WDR87: variants seen among roughly 807,000 people sequenced by gnomAD.
The protein encoded by WDR87 is WD repeat-containing protein 87.
A neutral mutation model predicts 83.3 loss-of-function variants in WDR87; 56 were observed. The observed-to-expected ratio is 0.67, with a 90% confidence interval of 0.54 to 0.84. The LOEUF is 0.84. WDR87 is among the 40% of genes least tolerant of loss of function. The probability of loss-of-function intolerance (pLI) is 0.00; values close to 1 mark genes in which losing one functional copy is unlikely to be tolerated. For missense variants in WDR87, 2,939 were observed against 3,431.9 expected, an observed-to-expected ratio of 0.86 and a Z score of 3.59; for synonymous variants, 1,173 against 1,250.6, an observed-to-expected ratio of 0.94 and a Z score of 1.31.
Position 37,894,264 on chromosome 19 carries a change from CCA to C in WDR87, c.1437_1438del (p.Gly480AlafsTer52). ...CACTCTTATCACACCACTCTGGTGC[CCA>C]GAGAATATCAGTCCCTCTAGACCCC... is the stretch of plus-strand genomic sequence containing the variant. On this transcript the variant is annotated frameshift_variant, in exon 4 of 6. Transcript: ENST00000447313. LOFTEE classifies it high-confidence loss of function. 6.4e-7 allele frequency: 1 copy of C among 1,551,738 alleles called. No homozygotes were observed. Among genetic ancestry groups the C allele is most frequent in the Non-Finnish European group, 8.7e-7 (1 of 1,147,014 alleles).
intron 1 of WDR87, among the ~76,000 whole-genome samples, chr19:37,899,530 C>T (rs1277708694): frequency 1.3e-5 from 2 of 152,082 alleles, no homozygotes; most frequent in Admixed American, 6.5e-5. Context: ...CTTTGAACTC[C>T]AGAGCTCAAG....
At chr19:37,897,713 A>G (rs765441900) in intron 2 of WDR87, among the ~76,000 whole-genome samples, 2 of 151,894 alleles carry the variant, frequency 1.3e-5, no homozygotes, top group African/African-American at 2.4e-5. Flanking sequence ...GTGAAACCCC[A>G]TCTCTACTAA....
chr19:37,892,831 G>C lies in WDR87; in HGVS notation c.2872C>G (p.Arg958Gly), dbSNP rs868014527. 4 of 1,551,694 alleles carry C rather than the reference G, an allele frequency of 2.6e-6. No homozygotes were observed. The highest frequency in any genetic ancestry group is 1.4e-5 in the African/African-American group (1 of 73,042). ...AGTAGCCGACGGGCTGTCTCAGAGC[G>C]TAGGGCTGGGGACACCTGGTAAGAG... ...FASYQVSPAL[R>G]SETARRLLND... The change falls in exon 4 of 6, where the codon CGC becomes GGC. Residue 958 changes from arginine to glycine, a missense_variant. Around this residue, in one of 3 missense-constraint regions of WDR87, gnomAD observed 2,160 missense variants for 2,533.1 expected, o/e 0.85. Transcript: ENST00000447313.
chr19:37,892,950 A>C lies in WDR87; in HGVS notation c.2753T>G (p.Ile918Ser). ...GAGCATTGTCTCAATCATGCTATTA[A>C]TGGTTATTTCACTCATCTTTCTTCC... ...WLGRKMSEIT[I>S]NSMIETMLNI... is the part of the protein sequence containing the mutation. The change falls in exon 4 of 6, where the codon ATT becomes AGT. Residue 918 changes from isoleucine (I) to serine (S), a missense_variant. By Grantham distance (142) the Ile-to-Ser change is moderately radical. Transcript: ENST00000447313. 3 of 1,551,954 alleles carry C rather than the reference A, an allele frequency of 1.9e-6. No individual in the cohort carries two copies. The highest frequency in any genetic ancestry group is 1.7e-4 in the Middle Eastern group (1 of 5,994).
chr19:37,900,560 C>CAAAAAAAAA (rs58946958), intron 1 of WDR87, among the ~76,000 whole-genome samples: 12 of 78,084 alleles, frequency 1.5e-4, no homozygotes, highest in African/African-American at 3.6e-4. Context: ...GACTCCGTCT[C>CAAAAAAAAA]AAAAAAAAAA....
intron 1 of WDR87, among the ~76,000 whole-genome samples, chr19:37,905,318 G>A (rs1225389584): frequency 6.6e-6 from 1 of 151,574 alleles, no homozygotes; most frequent in Non-Finnish European, 1.5e-5. Flanking sequence ...GATATATTTG[G>A]GTTAAATAAA....
Position 37,893,982 on chromosome 19 carries a change from G to C in WDR87, c.1721C>G (p.Thr574Arg). 6.4e-7 allele frequency: 1 copy of C among 1,551,876 alleles called. No homozygotes were observed. The highest frequency in any genetic ancestry group is 1.2e-5 in the South Asian group (1 of 84,062). ...CCAGAGACGCAGGCAGTTTGTCTCT[G>C]TGATGGCACCCACAGACTTGGGCAA... ...ILLPKSVGAITETNCLRLWKF... is the reference protein window; with the variant it reads ...ILLPKSVGAIRETNCLRLWKF... The change falls in exon 4 of 6, where the codon ACA (threonine) becomes AGA (arginine). Residue 574 changes from threonine (T) to arginine (R), a missense_variant. Thr to Arg is a moderately conservative substitution (Grantham distance 71). Coordinates refer to ENST00000447313, the MANE Select transcript of WDR87 (RefSeq NM_001291088.2).
intron 1 of WDR87, among the ~76,000 whole-genome samples, chr19:37,905,439 G>C (rs1271442487): frequency 1.4e-5 from 2 of 147,726 alleles, no homozygotes; most frequent in Non-Finnish European, 2.9e-5. Context: ...ATACCAGCCT[G>C]GGCAACATAG....
In WDR87 at chr19:37,895,186, C is replaced by T; in HGVS notation, c.517G>A (p.Val173Met). Residue 173 changes from valine to methionine, a missense_variant, in exon 4 of 6, where the codon GTG becomes ATG. Val to Met is a conservative substitution (Grantham distance 21). Coordinates refer to ENST00000447313, the MANE Select transcript of WDR87 (RefSeq NM_001291088.2). ...CCACCTAGCTCAATGACCCAGGTCA[C>T]CACTGCCCCCAGGATGCCAGACAGA... ...MLLSGILGAV[V>M]TWVIELGGTG... 6.4e-7 allele frequency: 1 copy of T among 1,551,706 alleles called. No individual in the cohort carries two copies. The highest frequency in any genetic ancestry group is 8.7e-7 in the Non-Finnish European group (1 of 1,147,000).
In WDR87 at chr19:37,886,419, T is replaced by C; in HGVS notation, c.7252A>G (p.Arg2418Gly). The C allele has an allele frequency of 6.5e-7, 1 of 1,536,754 alleles. No individual in the cohort carries two copies. The highest frequency in any genetic ancestry group is 8.7e-7 in the Non-Finnish European group (1 of 1,142,938). ...ILRGVPHGKG[R>G]AIRLGVLKSP... ...TTTAGAACTCCTAGTCTTATAGCCC[T>C]GCCTTTGCCATGAGGAACTCCTCTT... Residue 2418 changes from arginine to glycine, a missense_variant, in exon 6 of 6, where the codon AGG becomes GGG. Arg to Gly is a moderately radical substitution (Grantham distance 125, BLOSUM62 -2). Transcript: ENST00000447313.
At position 37,894,318 on chromosome 19, in the gene WDR87, A is replaced by G; in HGVS notation, c.1385T>C (p.Leu462Pro). ...CCCCAAGTTGAAATGCCCATAAGCC[A>G]GGCATTGTACAAAGTCCTGAGAATT... ...SPNSQDFVQC[L>P]AYGHFNLGRG... The change falls in exon 4 of 6, where the codon CTG (leucine) becomes CCG (proline). Residue 462 changes from leucine (L) to proline (P), a missense_variant. Transcript: ENST00000447313. 1 of 1,551,772 alleles carries G rather than the reference A, an allele frequency of 6.4e-7. No individual in the cohort carries two copies. Among genetic ancestry groups the G allele is most frequent in the Non-Finnish European group, 8.7e-7 (1 of 1,147,012 alleles).
intron 2 of WDR87, among the ~76,000 whole-genome samples, chr19:37,897,521 G>A (rs1439146454): frequency 6.6e-6 from 1 of 151,960 alleles, no homozygotes; most frequent in Non-Finnish European, 1.5e-5. Flanking sequence ...TGGGATCCTT[G>A]TATGCAGAGC....
chr19:37,888,543 T>G lies in WDR87; in HGVS notation c.5128A>C (p.Lys1710Gln). ...AGTTTCTCTTCTTCTCTAGCCACTT[T>G]CTCCCATTTCTTGGCCAGTTTCTTC... ...KRKKLAKKWEKVAREEEKLAK... is the reference protein window; with the variant it reads ...KRKKLAKKWEQVAREEEKLAK... The change falls in exon 6 of 6, where the codon AAA becomes CAA. Residue 1710 changes from lysine (K) to glutamine (Q), a missense_variant. By Grantham distance (53) the Lys-to-Gln change is moderately conservative. Coordinates refer to ENST00000447313, the MANE Select transcript of WDR87 (RefSeq NM_001291088.2). The G allele has an allele frequency of 6.4e-7, 1 of 1,551,854 alleles. No homozygotes were observed. The highest frequency in any genetic ancestry group is 1.2e-5 in the South Asian group (1 of 84,052).
chr19:37,885,904 GCA>G lies in WDR87; in HGVS notation c.7765_7766del (p.Cys2589ProfsTer21). The G allele has an allele frequency of 6.4e-7, 1 of 1,552,284 alleles. No homozygotes were observed. The highest frequency in any genetic ancestry group is 8.7e-7 in the Non-Finnish European group (1 of 1,147,126). The part of the protein sequence containing the change: ...QLSRDGFHRL[C>X]QLLKDLASKG... ...TTGAGGCAAGGTCTTTGAGCAGCTG[GCA>G]CAGTCTATGGAAACCATCCCTGGAA... On this transcript the variant is annotated frameshift_variant, in exon 6 of 6. Coordinates refer to ENST00000447313, the MANE Select transcript of WDR87 (RefSeq NM_001291088.2). LOFTEE classifies it low-confidence loss of function (END_TRUNC).
chr19:37,904,642 C>A (rs1252507411), intron 1 of WDR87, among the ~76,000 whole-genome samples: 1 of 152,176 alleles, frequency 6.6e-6, no homozygotes, highest in Non-Finnish European at 1.5e-5. Context: ...GCGTGAGCCA[C>A]TGTGCCTGGC....
At chr19:37,895,487 G>A (rs1394436404) in intron 3 of WDR87, 31 bp from the exon 4 acceptor site, 6 of 1,533,018 alleles carry the variant, frequency 3.9e-6, no homozygotes, top group Non-Finnish European at 2.6e-6. Context: ...AACTGCCTAG[G>A]CCGGGTGAGG....
Position 37,893,984 on chromosome 19 carries a change from G to GA in WDR87, c.1718dup (p.Thr574HisfsTer13). The GA allele has an allele frequency of 6.4e-7, 1 of 1,551,846 alleles. No individual in the cohort carries two copies. The highest frequency in any genetic ancestry group is 2.4e-5 in the East Asian group (1 of 40,922). ...AGAGACGCAGGCAGTTTGTCTCTGT[G>GA]ATGGCACCCACAGACTTGGGCAAGA... On this transcript the variant is annotated frameshift_variant, in exon 4 of 6. Transcript: ENST00000447313. LOFTEE classifies it high-confidence loss of function.
Position 37,894,529 on chromosome 19 carries a change from CAA to C in WDR87, c.1172_1173del (p.Phe391CysfsTer30). The part of the protein sequence containing the change: ...LCTTEDGLLR[F>X]VSPVTGDLLV... Reference sequence around the variant, plus strand: ...AGAAGGTCCCCTGTTACTGGGGACACAAAGCGCAACAAGCCATCCTCAGTGGT... The same window carrying C: ...AGAAGGTCCCCTGTTACTGGGGACACAGCGCAACAAGCCATCCTCAGTGGT... On this transcript the variant is annotated frameshift_variant, in exon 4 of 6. Coordinates refer to ENST00000447313, the MANE Select transcript of WDR87 (RefSeq NM_001291088.2). LOFTEE classifies it high-confidence loss of function. The C allele has an allele frequency of 6.4e-7, 1 of 1,551,638 alleles. No individual in the cohort carries two copies. Among genetic ancestry groups the C allele is most frequent in the East Asian group, 2.4e-5 (1 of 40,918 alleles).
intron 3 of WDR87, 124 bp downstream of exon 3, chr19:37,896,014 G>T: frequency 7.9e-7 from 1 of 1,267,752 alleles, no homozygotes. Flanking sequence ...AGGATGAGGA[G>T]AGATTTCTGG....
Sources: allele counts gnomAD v4.1 joint callset (sites outside exome capture counted in the v4.1 genomes callset), GRCh38; gene constraint gnomAD v4.1.1; regional missense constraint gnomAD v4.1.1; transcripts MANE v1.5; gene names NCBI Gene and HGNC (gene_info 2026-07-23, HGNC 2026-07-21).